Variants in PIWIL1 observed in about 807,000 individuals in gnomAD.
PIWIL1 encodes the protein piwi-like protein 1.
A neutral mutation model predicts 114.4 loss-of-function variants in PIWIL1; 73 were observed. The ratio of observed to expected loss-of-function variants is 0.64; its 90% CI spans 0.53 to 0.78. The LOEUF is 0.78. PIWIL1 is among the 30% of genes least tolerant of loss of function. The pLI is 0.00. For missense variants in PIWIL1, 723 were observed against 1,063.1 expected (o/e 0.68, Z 4.45); for synonymous variants, 375 against 369.0 (o/e 1.02, Z -0.19).
At chr12:130,396,099 G>A in the PIWIL1 span, 2 of 152,054 alleles carry the variant, frequency 1.3e-5, no homozygotes, top group Non-Finnish European at 1.5e-5. Flanking sequence ...ATCCCGCTAT[G>A]ATAAAATATT....
At chr12:130,342,353 T>A (rs762571138) in intron 1 of PIWIL1, 4 of 533,136 alleles carry the variant, frequency 7.5e-6, no homozygotes, top group Non-Finnish European at 1.3e-5. Context: ...TAAAATAGGT[T>A]TTCCCCTTTG....
At position 130,346,647 on chromosome 12, in the gene PIWIL1, T is replaced by C. The variant is rs566290340; in HGVS notation, c.531+63T>C. ...AAAGCAGAACTACCACAATGTAAGA[T>C]AGCTCACATGGCTTTTAGAGAGGCC... On this transcript the variant is annotated intron_variant, in intron 5 of 20. Coordinates refer to ENST00000245255, the MANE Select transcript of PIWIL1 (RefSeq NM_004764.5). 1.7e-3 allele frequency: 2,328 copies of C among 1,350,362 alleles called. 11 individuals carry two copies. Among genetic ancestry groups the C allele is most frequent in the Non-Finnish European group, 1.8e-3 (1,742 of 946,826 alleles). 83.6% of individuals were successfully genotyped at this position (1,350,362 alleles called of 1,614,324 possible).
chr12:130,351,730 ACT>A (rs1168586368), intron 9 of PIWIL1: 1 of 152,016 alleles, frequency 6.6e-6, no homozygotes, highest in African/African-American at 2.4e-5. Context: ...CGGTTCTGTC[ACT>A]CACCTTGTTA....
chr12:130,414,994 A>G, the PIWIL1 span, among the ~76,000 whole-genome samples: 2 of 152,200 alleles, frequency 1.3e-5, no homozygotes, highest in Non-Finnish European at 2.9e-5. Flanking sequence ...GCTGGTACCA[A>G]TTCTACTGAA....
the PIWIL1 span, among the ~76,000 whole-genome samples, chr12:130,404,399 G>C: frequency 9.9e-5 from 15 of 152,166 alleles, no homozygotes; most frequent in Admixed American, 6.5e-5. Flanking sequence ...CTGGGTTCAA[G>C]TGATTCTCCT....
At chr12:130,401,195 C>T in the PIWIL1 span, among the ~76,000 whole-genome samples, 1 of 151,934 alleles carries the variant, frequency 6.6e-6, no homozygotes. Flanking sequence ...GGCTCACTGC[C>T]ACCTCCACCT....
the PIWIL1 span, chr12:130,422,694 A>C: frequency 6.1e-6 from 4 of 654,862 alleles, no homozygotes; most frequent in Non-Finnish European, 1.1e-5. This position sits in a 1 kb window ranked among gnomAD's most constrained non-coding sequence, Gnocchi z 5.2. Context: ...CTGAAAGGTT[A>C]GCTGAATGGC....
intron 19 of PIWIL1, among the ~76,000 whole-genome samples, chr12:130,368,045 G>A (rs1035605741): frequency 6.6e-6 from 1 of 152,154 alleles, no homozygotes; most frequent in Admixed American, 6.5e-5. Flanking sequence ...TGATCCGCTC[G>A]CGTCAGCCTC....
chr12:130,399,046 C>A, the PIWIL1 span: 1 of 780,430 alleles, frequency 1.3e-6, no homozygotes, highest in Non-Finnish European at 1.9e-6. Flanking sequence ...AGCCTTAAGT[C>A]TACCACACTG....
chr12:130,355,120 G>A (rs2073328359), intron 11 of PIWIL1, 115 bp downstream of exon 11: 1 of 729,080 alleles, frequency 1.4e-6, no homozygotes, highest in Non-Finnish European at 2.5e-6. Flanking sequence ...TTTGGTATCT[G>A]TAGTATTTGG....
At chr12:130,374,579 T>C (rs554051199), downstream of PIWIL1, among the ~76,000 whole-genome samples, 5 of 152,272 alleles carry the variant, frequency 3.3e-5, no homozygotes, top group Admixed American at 1.3e-4. Context: ...CACTCTGAGT[T>C]AAGCTGCCCT....
chr12:130,409,097 A>G, the PIWIL1 span, among the ~76,000 whole-genome samples: 1 of 152,182 alleles, frequency 6.6e-6, no homozygotes, highest in East Asian at 1.9e-4. Flanking sequence ...GCATAACAAC[A>G]TACATGTACT....
the PIWIL1 span, among the ~76,000 whole-genome samples, chr12:130,405,437 A>G: frequency 6.6e-6 from 1 of 152,146 alleles, no homozygotes; most frequent in African/African-American, 2.4e-5. Flanking sequence ...GCAGGTGGAA[A>G]CACATGTGCA....
the PIWIL1 span, among the ~76,000 whole-genome samples, chr12:130,382,124 G>A: frequency 6.6e-6 from 1 of 152,188 alleles, no homozygotes; most frequent in Admixed American, 6.5e-5. Context: ...CTTAGTTATG[G>A]GAGCAATTGA....
At chr12:130,419,614 A>T in the PIWIL1 span, 1 of 152,210 alleles carries the variant, frequency 6.6e-6, no homozygotes, top group Non-Finnish European at 1.5e-5. This position sits in a 1 kb window ranked among gnomAD's most constrained non-coding sequence, Gnocchi z 4.3. Context: ...AGAGTTACTA[A>T]TGTTTTTATT....
intron 7 of PIWIL1, 108 bp downstream of exon 7, chr12:130,348,291 C>T: frequency 1.6e-6 from 1 of 613,556 alleles, no homozygotes; most frequent in Non-Finnish European, 2.9e-6. Context: ...GTTAATGCCG[C>T]CCATCACATT....
the PIWIL1 span, among the ~76,000 whole-genome samples, chr12:130,405,344 G>A: frequency 6.6e-6 from 1 of 152,206 alleles, no homozygotes; most frequent in Non-Finnish European, 1.5e-5. Flanking sequence ...CATGCCTGCG[G>A]CTGTAGCATG....
chr12:130,406,053 G>A, the PIWIL1 span: 1 of 659,876 alleles, frequency 1.5e-6, no homozygotes. Context: ...AAAGCTATCA[G>A]CAGGCGTATG....
At chr12:130,374,889 T>A (rs1204876094), downstream of PIWIL1, among the ~76,000 whole-genome samples, 1 of 152,188 alleles carries the variant, frequency 6.6e-6, no homozygotes, top group African/African-American at 2.4e-5. Flanking sequence ...GCGGTTTCTT[T>A]ACATCTCCCT....
Sources: allele counts gnomAD v4.1 joint callset (sites outside exome capture counted in the v4.1 genomes callset), GRCh38; gene constraint gnomAD v4.1.1; non-coding constraint Gnocchi (gnomAD v3.1); transcripts MANE v1.5; gene names NCBI Gene and HGNC (gene_info 2026-07-23, HGNC 2026-07-21).